KTN1: variants seen among roughly 807,000 people sequenced by gnomAD.
The protein encoded by KTN1 is kinectin.
A neutral mutation model predicts 222.5 loss-of-function variants in KTN1; 130 were observed. The observed-to-expected ratio is 0.58, with a 90% CI of 0.51 to 0.68. The LOEUF is 0.68. Among genes scored for constraint, KTN1 ranks in the 30% least tolerant of loss-of-function variants. The probability of loss-of-function intolerance (pLI) is 0.00; values close to 1 mark genes in which losing one functional copy is unlikely to be tolerated. For synonymous variants in KTN1, 512 were observed against 496.3 expected (o/e 1.03, Z -0.42); for missense variants, 1,508 against 1,500.4 (o/e 1.01, Z -0.08).
intron 12 of KTN1, among the ~76,000 whole-genome samples, chr14:55,638,476 G>A (rs533053086): frequency 1.3e-5 from 2 of 152,010 alleles, no homozygotes; most frequent in South Asian, 2.1e-4. Context: ...TGGCTTAGAA[G>A]TCTGACATTT....
rs766990058 is a variant in KTN1, at chr14:55,679,627, G to C, written c.4011G>C (p.Gln1337His). 4.3e-6 allele frequency: 7 copies of C among 1,612,956 alleles called. No individual in the cohort carries two copies. The South Asian group carries it at 7.7e-5, about 18-fold the overall frequency. Residue 1337 changes from glutamine to histidine, a missense_variant, in exon 43 of 44, where the codon CAG becomes CAC. By Grantham distance (24) the Gln-to-His change is conservative. Transcript: ENST00000395314. ...ATCAGACTGTAACACAGTTACAGCA[G>C]TTGCTTCAGGCGGTAAACCAACAGC... ...SLNQTVTQLQ[Q>H]LLQAVNQQLT...
intron 1 of KTN1, among the ~76,000 whole-genome samples, chr14:55,589,815 C>T (rs763904130): frequency 5.9e-5 from 9 of 151,868 alleles, no homozygotes; most frequent in South Asian, 2.1e-4. Context: ...TGCATCACCA[C>T]GCCCAGCTAA....
Position 55,634,642 on chromosome 14 carries a change from C to G in KTN1, c.1445C>G (p.Ala482Gly), listed in dbSNP as rs556442522. 3 of 1,612,640 alleles carry G rather than the reference C, an allele frequency of 1.9e-6. No homozygotes were observed. The South Asian group carries it at 3.3e-5, about 18-fold the overall frequency. Reference protein sequence around the residue: ...EEVQKKNAEQAATQLKVQLQE... With the variant: ...EEVQKKNAEQGATQLKVQLQE... Reference sequence around the variant, plus strand: ...GTCCAAAAGAAGAATGCTGAGCAAGCAGCTACTCAGTTGAAGGTGATATAT... The same window carrying G: ...GTCCAAAAGAAGAATGCTGAGCAAGGAGCTACTCAGTTGAAGGTGATATAT... The change falls in exon 9 of 44, where the codon GCA becomes GGA. Residue 482 changes from alanine to glycine, a missense_variant. Coordinates refer to ENST00000395314, the MANE Select transcript of KTN1 (RefSeq NM_001079521.2).
chr14:55,679,534 G>A lies in KTN1; in HGVS notation c.3949-31G>A, dbSNP rs748369262. ...TTTACATTTCTTTTCCTTGTGTATGGAGTTTATCATCACTTCCATCTTCTT... is the reference window on the plus strand; with the variant it reads ...TTTACATTTCTTTTCCTTGTGTATGAAGTTTATCATCACTTCCATCTTCTT... On this transcript the variant is annotated intron_variant, in intron 42 of 43. Coordinates refer to ENST00000395314, the MANE Select transcript of KTN1 (RefSeq NM_001079521.2). 5.7e-6 allele frequency: 9 copies of A among 1,570,244 alleles called. No homozygotes were observed. In the African/African-American group the frequency reaches 1.1e-4, roughly 19 times the overall value.
At chr14:55,582,722 T>C (rs566618113) in intron 1 of KTN1, among the ~76,000 whole-genome samples, 96 of 152,204 alleles carry the variant, frequency 6.3e-4, no homozygotes, top group Non-Finnish European at 1.0e-3. Context: ...AAATTGTTAA[T>C]GAACTTAAGT....
intron 11 of KTN1, 25 bp downstream of exon 11, chr14:55,637,389 T>TA (rs745491317): frequency 5.4e-6 from 8 of 1,482,914 alleles, no homozygotes; most frequent in Admixed American, 4.3e-5. Context: ...TTTTTTTTTT[T>TA]TAAAAAAATA....
chr14:55,616,491 A>ATT, intron 2 of KTN1, 26 bp from the exon 3 acceptor site: 1 of 1,547,300 alleles, frequency 6.5e-7, no homozygotes, highest in Non-Finnish European at 8.7e-7. Context: ...TGCCACAATT[A>ATT]TTTTTTTTGT....
chr14:55,671,814 T>G lies in KTN1; in HGVS notation c.3468T>G (p.Ser1156Arg). ...TEGILQKLQRSVEQEENKWKV... is the reference protein window; with the variant it reads ...TEGILQKLQRRVEQEENKWKV... ...GAATTTTACAGAAGCTACAGAGAAG[T>G]GTTGAGCAAGAAGAAAATAAATGGA... The change falls in exon 37 of 44, where the codon AGT (serine) becomes AGG (arginine). Residue 1156 changes from serine (S) to arginine (R), a missense_variant. Physicochemically the swap from Ser to Arg is moderately radical, Grantham distance 110. Coordinates refer to ENST00000395314, the MANE Select transcript of KTN1 (RefSeq NM_001079521.2). 1 of 1,611,016 alleles carries G rather than the reference T, an allele frequency of 6.2e-7. No individual in the cohort carries two copies. Among genetic ancestry groups the G allele is most frequent in the Non-Finnish European group, 8.5e-7 (1 of 1,177,424 alleles).
chr14:55,603,927 A>G (rs984565044), intron 1 of KTN1, among the ~76,000 whole-genome samples: 9 of 152,146 alleles, frequency 5.9e-5, no homozygotes, highest in African/African-American at 1.2e-4. Context: ...TCCATCAACA[A>G]ATCATCTTGG....
intron 40 of KTN1, 145 bp from the exon 41 acceptor site, chr14:55,675,690 T>A (rs1201821107): frequency 1.9e-6 from 1 of 532,302 alleles, no homozygotes; most frequent in African/African-American, 1.9e-5. Flanking sequence ...GCTTAGCCTT[T>A]CTATACATCT....
intron 1 of KTN1, among the ~76,000 whole-genome samples, chr14:55,606,070 G>T (rs1184213554): frequency 6.6e-6 from 1 of 151,980 alleles, no homozygotes; most frequent in African/African-American, 2.4e-5. Flanking sequence ...ATTACAGATA[G>T]TTTTTTTTGT....
chr14:55,644,560 C>CTTT (rs34100965), intron 18 of KTN1: 29 of 320,606 alleles, frequency 9.0e-5, no homozygotes, highest in Middle Eastern at 7.6e-4. Context: ...CAGAATAAGA[C>CTTT]TTTTTTTTTT....
rs149239516 is a variant in KTN1, at chr14:55,638,356, CAT to C, written c.1785+510_1785+511del. 2.3e-3 allele frequency among the ~76,000 whole-genome samples: 354 copies of C among 151,940 alleles called. 2 individuals are homozygous for C. Among genetic ancestry groups the C allele is most frequent in the African/African-American group, 8.2e-3 (342 of 41,492 alleles). Reference sequence around the variant, plus strand: ...ACCTGTTATTCTTTGATGTGACATACATGTCTTTATAAATAATATAAAGAAAA... The same window carrying C: ...ACCTGTTATTCTTTGATGTGACATACGTCTTTATAAATAATATAAAGAAAA... On this transcript the variant is annotated intron_variant, in intron 12 of 43. Transcript: ENST00000395314.
intron 18 of KTN1, chr14:55,644,377 G>C (rs1396140843): frequency 2.8e-6 from 2 of 702,112 alleles, no homozygotes; most frequent in Non-Finnish European, 5.2e-6. Flanking sequence ...TATAAAAGCA[G>C]AAACCAATAA....
In KTN1 at chr14:55,619,213, T is replaced by A. The variant is rs2140750299; in HGVS notation, c.864T>A (p.Leu288=). ...CTGAAGTGAAGTTTAAAGATTTTCT[T>A]CTGTCCTTGAAGACTATGATGTTTT... The part of the protein sequence containing the change: ...ENAEVKFKDF[L]LSLKTMMFSE... Residue 288 remains leucine (L), a synonymous_variant, in exon 5 of 44, where the codon CTT becomes CTA. Transcript: ENST00000395314. The A allele has an allele frequency of 6.2e-7, 1 of 1,608,546 alleles. No homozygotes were observed. Among genetic ancestry groups the A allele is most frequent in the Non-Finnish European group, 8.5e-7 (1 of 1,175,436 alleles).
At chr14:55,580,854 G>A (rs2031330000) in intron 1 of KTN1, among the ~76,000 whole-genome samples, 1 of 152,158 alleles carries the variant, frequency 6.6e-6, no homozygotes. Flanking sequence ...ACGCCATGCT[G>A]GAGTTCCAGT....
intron 29 of KTN1, 137 bp from the exon 30 acceptor site, chr14:55,658,409 A>G: frequency 4.9e-6 from 3 of 617,272 alleles, no homozygotes; most frequent in Non-Finnish European, 8.7e-6. Flanking sequence ...GTTTTAATAA[A>G]GAGCTTATTA....
chr14:55,639,508 T>G (rs993969781), intron 13 of KTN1, among the ~76,000 whole-genome samples: 3 of 151,764 alleles, frequency 2.0e-5, no homozygotes, highest in Non-Finnish European at 4.4e-5. Flanking sequence ...GGTAATTGTT[T>G]AGAAAGTAGT....
rs1295867652 is a variant in KTN1 at position 55,618,028 on chromosome 14, A to C, written c.726A>C (p.Ser242=). The stretch of plus-strand genomic sequence containing the variant: ...TTCCTTTGATGGATAATGCTGACTC[A>C]AGTCCTGTGGTAGATAAGAGAGAGG... ...TYIPLMDNAD[S]SPVVDKREVI... The change falls in exon 4 of 44, where the codon TCA becomes TCC. Residue 242 remains serine, a synonymous_variant. Coordinates refer to ENST00000395314, the MANE Select transcript of KTN1 (RefSeq NM_001079521.2). 1.2e-6 allele frequency: 2 copies of C among 1,612,442 alleles called. No individual in the cohort carries two copies. The highest frequency in any genetic ancestry group is 1.3e-5 in the African/African-American group (1 of 74,882).
Sources: allele counts gnomAD v4.1 joint callset (sites outside exome capture counted in the v4.1 genomes callset), GRCh38; gene constraint gnomAD v4.1.1; transcripts MANE v1.5; gene names NCBI Gene and HGNC (gene_info 2026-07-23, HGNC 2026-07-21).